The following EPHA6 variants were observed in gnomAD, a reference collection of about 807,000 sequenced individuals.
EPHA6 encodes the protein EPH receptor A6.
Under a neutral mutation model 112.0 loss-of-function variants are expected in EPHA6, and 50 were observed. The ratio of observed to expected loss-of-function variants is 0.45; its 90% CI spans 0.36 to 0.56. The LOEUF is 0.56. EPHA6 is among the 20% of genes least tolerant of loss of function. The pLI is 0.00. For synonymous variants in EPHA6, 529 were observed against 490.7 expected, an observed-to-expected ratio of 1.08 and a Z score of -1.03; for missense variants, 1,280 against 1,417.4, an observed-to-expected ratio of 0.90 and a Z score of 1.56.
intron 3 of EPHA6, among the ~76,000 whole-genome samples, chr3:97,184,858 A>G (rs2077082123): frequency 6.6e-6 from 1 of 152,210 alleles, no homozygotes; most frequent in Admixed American, 6.5e-5. Context: ...TACTGTTACC[A>G]AAACAGAGAT....
At chr3:96,980,913 TTTGCTGAAGTTGCTTA>T in intron 2 of EPHA6, among the ~76,000 whole-genome samples, 1 of 152,326 alleles carries the variant, frequency 6.6e-6, no homozygotes, top group Non-Finnish European at 1.5e-5. Context: ...ATCCTGAGAC[TTTGCTGAAGTTGCTTA>T]TCAGCTTAAG....
chr3:97,011,056 A>T (rs1159522210), intron 3 of EPHA6, among the ~76,000 whole-genome samples: 1 of 152,140 alleles, frequency 6.6e-6, no homozygotes, highest in African/African-American at 2.4e-5. Flanking sequence ...TAAGGTTTGG[A>T]TGCATGCCAC....
At chr3:97,531,784 T>C (rs1380110915) in intron 10 of EPHA6, among the ~76,000 whole-genome samples, 1 of 152,106 alleles carries the variant, frequency 6.6e-6, no homozygotes, top group African/African-American at 2.4e-5. Flanking sequence ...GAAACATATC[T>C]CATCTTCCTT....
At chr3:97,057,505 A>AAAC (rs1438119455) in intron 3 of EPHA6, among the ~76,000 whole-genome samples, 11 of 152,184 alleles carry the variant, frequency 7.2e-5, no homozygotes, top group Non-Finnish European at 1.5e-4. Context: ...AAGGACAGTC[A>AAAC]AACCTCTGCT....
intron 1 of EPHA6, among the ~76,000 whole-genome samples, chr3:96,853,287 C>G (rs921278289): frequency 1.3e-5 from 2 of 151,846 alleles, no homozygotes; most frequent in Non-Finnish European, 2.9e-5. Context: ...ATATGAAAAC[C>G]CAACCAAATA....
intron 1 of EPHA6, among the ~76,000 whole-genome samples, chr3:96,847,994 G>A (rs1344256760): frequency 1.3e-5 from 2 of 152,066 alleles, no homozygotes; most frequent in East Asian, 1.9e-4. Context: ...ATAGTCACTT[G>A]CAGTACTGTT....
Position 96,987,842 on chromosome 3 carries a change from C to T in EPHA6, c.963C>T (p.Ser321=), listed in dbSNP as rs867565019. 3.1e-6 allele frequency: 5 copies of T among 1,613,762 alleles called. No homozygotes were observed. The highest frequency in any genetic ancestry group is 4.2e-6 in the Non-Finnish European group (5 of 1,179,876). ...ATACCATTCCAAGGGTTGATTCCTC[C>T]TCTTTGGTTGAAGTACGGGGTTCTT... ...FPDTIPRVDS[S]SLVEVRGSCV... The change falls in exon 3 of 18, where the codon TCC becomes TCT. Residue 321 remains serine (S), a synonymous_variant. Coordinates refer to ENST00000389672, the MANE Select transcript of EPHA6 (RefSeq NM_001080448.3).
At chr3:97,302,938 G>A (rs1441028648) in intron 5 of EPHA6, among the ~76,000 whole-genome samples, 3 of 151,666 alleles carry the variant, frequency 2.0e-5, no homozygotes, top group African/African-American at 4.8e-5. Context: ...TAGGAATAAG[G>A]CAATAAGTTG....
intron 3 of EPHA6, among the ~76,000 whole-genome samples, chr3:97,141,401 A>C (rs2075899657): frequency 6.6e-6 from 1 of 152,096 alleles, no homozygotes; most frequent in South Asian, 2.1e-4. Flanking sequence ...TGTGCATGGA[A>C]GATTCTCCAA....
At chr3:97,489,341 G>C in intron 10 of EPHA6, among the ~76,000 whole-genome samples, 1 of 152,232 alleles carries the variant, frequency 6.6e-6, no homozygotes. Flanking sequence ...TTTTATTTTT[G>C]TTACTACATT....
In EPHA6 at chr3:97,642,114, A is replaced by G. The variant is rs301940; in HGVS notation, c.2784+4032A>G. Among the ~76,000 whole-genome samples, 205 of 123,890 alleles carry G rather than the reference A, an allele frequency of 1.7e-3. 1 individual carries two copies. The highest frequency in any genetic ancestry group is 6.1e-3 in the African/African-American group (202 of 33,146). The allele number at this position is 123,890 out of a possible 152,430, so 81.3% of individuals were successfully genotyped here. The stretch of plus-strand genomic sequence containing the variant: ...ATCTGAGAACGGGCAGACTGCCTCC[A>G]CAAGTGGGTACCTGACCCCTGACCC... On this transcript the variant is annotated intron_variant, in intron 14 of 17. Coordinates refer to ENST00000389672, the MANE Select transcript of EPHA6 (RefSeq NM_001080448.3).
intron 3 of EPHA6, among the ~76,000 whole-genome samples, chr3:97,059,558 A>G (rs940168541): frequency 1.3e-5 from 2 of 151,820 alleles, no homozygotes; most frequent in African/African-American, 4.8e-5. Flanking sequence ...CTTTTCACCT[A>G]TGCATTCCTG....
intron 5 of EPHA6, among the ~76,000 whole-genome samples, chr3:97,385,568 C>T (rs1181156880): frequency 1.3e-5 from 2 of 152,124 alleles, no homozygotes; most frequent in Non-Finnish European, 2.9e-5. Context: ...ATTGTGTGCC[C>T]TATGGAGTTC....
chr3:97,063,180 C>G (rs2046075894), intron 3 of EPHA6, among the ~76,000 whole-genome samples: 1 of 152,100 alleles, frequency 6.6e-6, no homozygotes, highest in Non-Finnish European at 1.5e-5. Context: ...TATCATTTGA[C>G]TCAGCAATCC....
intron 3 of EPHA6, among the ~76,000 whole-genome samples, chr3:97,153,018 G>T (rs561720946): frequency 1.3e-5 from 2 of 151,936 alleles, no homozygotes; most frequent in South Asian, 4.1e-4. Context: ...AACCTAAATA[G>T]GCACAGGTAA....
At chr3:97,708,966 T>A (rs1419927740) in intron 14 of EPHA6, among the ~76,000 whole-genome samples, 1 of 152,150 alleles carries the variant, frequency 6.6e-6, no homozygotes, top group Admixed American at 6.5e-5. Context: ...TGCCTGGATG[T>A]CCAGGCAGAA....
intron 11 of EPHA6, among the ~76,000 whole-genome samples, chr3:97,552,436 G>A (rs1406914670): frequency 6.6e-6 from 1 of 152,176 alleles, no homozygotes; most frequent in African/African-American, 2.4e-5. Flanking sequence ...GGCCTGAAGG[G>A]AGAAAACCTC....
intron 3 of EPHA6, among the ~76,000 whole-genome samples, chr3:97,215,609 T>TAA (rs2078011401): frequency 8.1e-6 from 1 of 124,210 alleles, no homozygotes; most frequent in South Asian, 2.3e-4. Flanking sequence ...AAACTTTGTC[T>TAA]CAAAAAAAAA....
intron 7 of EPHA6, among the ~76,000 whole-genome samples, chr3:97,451,232 TAGTA>T (rs1190760904): frequency 3.9e-5 from 6 of 152,006 alleles, no homozygotes; most frequent in African/African-American, 1.2e-4. Context: ...TTAACATGAC[TAGTA>T]ATACATGCAA....
Sources: gnomAD v4.1 joint callset for allele counts (sites outside exome capture counted in the v4.1 genomes callset) on GRCh38, gnomAD v4.1.1 for gene constraint, MANE v1.5 for transcripts, NCBI Gene and HGNC (gene_info 2026-07-23, HGNC 2026-07-21) for gene names.